The following ERF variants were observed in gnomAD, a reference collection of about 807,000 sequenced individuals.
ERF encodes ETS domain-containing transcription factor ERF.
A neutral mutation model predicts 41.6 loss-of-function variants in ERF; 10 were observed. The observed-to-expected ratio is 0.24, with a 90% CI of 0.15 to 0.41. The LOEUF (loss-of-function observed/expected upper bound fraction) is 0.41. Ranked by LOEUF, ERF falls within the 10% of genes least tolerant of loss-of-function variation. The probability of loss-of-function intolerance (pLI) is 1.00; values close to 1 mark genes in which losing one functional copy is unlikely to be tolerated. For missense variants in ERF, 621 were observed against 763.2 expected, an observed-to-expected ratio of 0.81 and a Z score of 2.19; for synonymous variants, 395 against 342.4, an observed-to-expected ratio of 1.15 and a Z score of -1.70.
In ERF at chr19:42,248,630, G is replaced by T. The variant is rs138540323; in HGVS notation, c.1482C>A (p.Leu494=). Residue 494 remains leucine (L), a synonymous_variant, in exon 4 of 4, where the codon CTC becomes CTA. Coordinates refer to ENST00000222329, the MANE Select transcript of ERF (RefSeq NM_006494.4). This position sits in a 1 kb window ranked among gnomAD's most constrained non-coding sequence, Gnocchi z 4.2. ...FKRRWSEDCR[L]EGGGGPAGGF... is the part of the protein sequence containing the mutation. ...CCCCAGCGGGGCCCCCACCCCCTTC[G>T]AGGCGACAGTCTTCACTCCAGCGCC... is the stretch of plus-strand genomic sequence containing the variant. 3.3e-5 allele frequency: 53 copies of T among 1,584,908 alleles called. No individual in the cohort carries two copies. Among genetic ancestry groups the T allele is most frequent in the Non-Finnish European group, 4.5e-5 (52 of 1,162,534 alleles).
At position 42,249,344 on chromosome 19, in the gene ERF, A is replaced by C; in HGVS notation, c.768T>G (p.Pro256=). 6.3e-7 allele frequency: 1 copy of C among 1,580,886 alleles called. No homozygotes were observed. The highest frequency in any genetic ancestry group is 1.1e-5 in the South Asian group (1 of 87,598). Residue 256 remains proline (P), a synonymous_variant, in exon 4 of 4, where the codon CCT becomes CCG. Transcript: ENST00000222329. This position sits in a 1 kb window ranked among gnomAD's most constrained non-coding sequence, Gnocchi z 8.6. The stretch of plus-strand genomic sequence containing the variant: ...AGAGCTGAGGGGGCAGCAGGGATCC[A>C]GGACCGGCCAGAGGCGACACAGGGA... ...SPFPVSPLAG[P]GSLLPPQLSP... is the part of the protein sequence containing the mutation.
chr19:42,252,730 G>A (rs188814027), intron 1 of ERF, among the ~76,000 whole-genome samples: 10 of 152,182 alleles, frequency 6.6e-5, no homozygotes, highest in East Asian at 1.9e-4. Context: ...CCGGCTTTGG[G>A]GGGGGGAGAA....
rs1296440566 is a variant in ERF at position 42,248,601 on chromosome 19, A to G, written c.1511T>C (p.Phe504Ser). 1.3e-6 allele frequency: 2 copies of G among 1,581,912 alleles called. No individual in the cohort carries two copies. The highest frequency in any genetic ancestry group is 2.3e-5 in the South Asian group (2 of 86,908). Residue 504 changes from phenylalanine to serine, a missense_variant, in exon 4 of 4, where the codon TTT becomes TCT. This residue lies in a region of ERF where 569 missense variants were observed against 625.5 expected (regional missense o/e 0.91). Coordinates refer to ENST00000222329, the MANE Select transcript of ERF (RefSeq NM_006494.4). The surrounding 1 kb of genome is among the most constrained non-coding windows in gnomAD (Gnocchi z 4.2). ...LEGGGGPAGGFEDEGEDKKVR... is the reference protein window; with the variant it reads ...LEGGGGPAGGSEDEGEDKKVR... ...CTTCTTGTCCTCACCCTCATCCTCA[A>G]AGCCCCCAGCGGGGCCCCCACCCCC...
At position 42,249,692 on chromosome 19, in the gene ERF, G is replaced by C; in HGVS notation, c.420C>G (p.Ser140Arg). 6.3e-7 allele frequency: 1 copy of C among 1,599,724 alleles called. No individual in the cohort carries two copies. Among genetic ancestry groups the C allele is most frequent in the African/African-American group, 1.3e-5 (1 of 74,838 alleles). The change falls in exon 4 of 4, where the codon AGC (serine) becomes AGG (arginine). Residue 140 changes from serine to arginine, a missense_variant. Around this residue, in one of 3 missense-constraint regions of ERF, gnomAD observed 569 missense variants for 625.5 expected, o/e 0.91. Transcript: ENST00000222329. The surrounding 1 kb of genome is among the most constrained non-coding windows in gnomAD (Gnocchi z 8.6). ...QSAPPVPSGG[S>R]HFRFPPSTPS... is the part of the protein sequence containing the mutation. ...GCGTTGAGGGAGGGAAGCGGAAGTG[G>C]CTACCACCCGACGGCACTGGCGGGG...
intron 1 of ERF, 119 bp downstream of exon 1, chr19:42,254,859 G>T: frequency 1.7e-6 from 2 of 1,182,476 alleles, no homozygotes; most frequent in African/African-American, 1.6e-5. Flanking sequence ...GTGCTTGAGG[G>T]GTCCCCCAGA....
At chr19:42,254,230 G>A (rs1049917255) in intron 1 of ERF, among the ~76,000 whole-genome samples, 1 of 151,510 alleles carries the variant, frequency 6.6e-6, no homozygotes, top group Admixed American at 6.6e-5. Context: ...GAGGGGGGGC[G>A]AGGGGGGAGC....
At position 42,249,224 on chromosome 19, in the gene ERF, G is replaced by A. The variant is rs2036394696; in HGVS notation, c.888C>T (p.Gly296=). Residue 296 remains glycine (G), a synonymous_variant, in exon 4 of 4, where the codon GGC becomes GGT. Transcript: ENST00000222329. The surrounding 1 kb of genome is among the most constrained non-coding windows in gnomAD (Gnocchi z 8.6). ...AGGAGAAGTGGGAGCCTCCCCCTGA[G>A]CCGCTGGGCCCCCCGCCACCACTGG... The part of the protein sequence containing the change: ...MYPSGGGGPS[G]SGGGSHFSFS... The A allele has an allele frequency of 1.9e-6, 3 of 1,613,358 alleles. No homozygotes were observed. The highest frequency in any genetic ancestry group is 2.5e-6 in the Non-Finnish European group (3 of 1,179,732).
chr19:42,249,882 G>C lies in ERF; in HGVS notation c.318C>G (p.Phe106Leu). 1 of 1,614,158 alleles carries C rather than the reference G, an allele frequency of 6.2e-7. No individual in the cohort carries two copies. The highest frequency in any genetic ancestry group is 8.5e-7 in the Non-Finnish European group (1 of 1,180,014). ...KTKGKRFTYK[F>L]NFNKLVLVNY... ...TGACCAGCACCAGTTTGTTGAAATT[G>C]AACTTGTAGGTGAACCGTTTCCCCT... The change falls in exon 3 of 4, where the codon TTC becomes TTG. Residue 106 changes from phenylalanine to leucine, a missense_variant. Phe to Leu is a conservative substitution (Grantham distance 22). Transcript: ENST00000222329. This position sits in a 1 kb window ranked among gnomAD's most constrained non-coding sequence, Gnocchi z 8.6.
chr19:42,253,998 T>TCC (rs1291710879), intron 1 of ERF: 3 of 940,474 alleles, frequency 3.2e-6, no homozygotes, highest in Non-Finnish European at 3.8e-6. Context: ...CTGGGACCCC[T>TCC]CCCCCTGCGC....
At position 42,248,561 on chromosome 19, in the gene ERF, C is replaced by T. The variant is rs1244740254; in HGVS notation, c.1551G>A (p.Gly517=). The change falls in exon 4 of 4, where the codon GGG becomes GGA. Residue 517 remains glycine, a synonymous_variant. Transcript: ENST00000222329. This position sits in a 1 kb window ranked among gnomAD's most constrained non-coding sequence, Gnocchi z 4.2. ...EGEDKKVRGE[G]PGEAGGPLTP... is the part of the protein sequence containing the mutation. The stretch of plus-strand genomic sequence containing the variant: ...TGAGGGGCCCCCCAGCCTCCCCAGG[C>T]CCCTCCCCACGCACCTTCTTGTCCT... 6.4e-7 allele frequency: 1 copy of T among 1,565,414 alleles called. No homozygotes were observed. Among genetic ancestry groups the T allele is most frequent in the Admixed American group, 1.9e-5 (1 of 52,646 alleles).
At position 42,247,685 on chromosome 19, in the gene ERF, G is replaced by T. The variant is rs2036350547; in HGVS notation, c.*780C>A. ...GACCACAGCCCCCCACCCCACCCCA[G>T]AGGCCCCAGCTGGGAGGCAGAGGGG... On this transcript the variant is annotated 3_prime_UTR_variant, in exon 4 of 4. Transcript: ENST00000222329. 1 of 140,058 alleles carries T rather than the reference G, an allele frequency of 7.1e-6. No individual in the cohort carries two copies. The allele number at this position is 140,058 out of a possible 1,614,324, so 8.7% of individuals were successfully genotyped here.
rs761263189 is a variant in ERF at position 42,249,459 on chromosome 19, C to T, written c.653G>A (p.Arg218Gln). The change falls in exon 4 of 4, where the codon CGA becomes CAA. Residue 218 changes from arginine to glutamine, a missense_variant. Physicochemically the swap from Arg to Gln is conservative, Grantham distance 43 (BLOSUM62 1). Coordinates refer to ENST00000222329, the MANE Select transcript of ERF (RefSeq NM_006494.4). The surrounding 1 kb of genome is among the most constrained non-coding windows in gnomAD (Gnocchi z 8.6). ...PPGPPDLGAF[R>Q]GPPLARLPHD... ...GGGCAGGCGGGCCAGCGGGGGCCCT[C>T]GGAAGGCACCCAGATCCGGAGGGCC... 4 of 1,599,522 alleles carry T rather than the reference C, an allele frequency of 2.5e-6. No homozygotes were observed. The highest frequency in any genetic ancestry group is 1.7e-5 in the Admixed American group (1 of 58,240).
chr19:42,250,475 C>T lies in ERF; in HGVS notation c.113G>A (p.Arg38Gln), dbSNP rs763456687. The part of the protein sequence containing the change: ...QLWHFILELL[R>Q]KEEYQGVIAW... ...AATGACGCCCTGGTACTCCTCCTTC[C>T]GCAGCAGCTCCAGGATAAAGTGCCA... Residue 38 changes from arginine to glutamine, a missense_variant, in exon 2 of 4, where the codon CGG becomes CAG. Transcript: ENST00000222329. This position sits in a 1 kb window ranked among gnomAD's most constrained non-coding sequence, Gnocchi z 5.1. The T allele has an allele frequency of 3.7e-6, 6 of 1,613,490 alleles. No individual in the cohort carries two copies. The highest frequency in any genetic ancestry group is 2.7e-5 in the African/African-American group (2 of 74,918).
rs2036426879 is a variant in ERF, at chr19:42,250,525, G to A, written c.63C>T (p.Ser21=). 1 of 1,613,468 alleles carries A rather than the reference G, an allele frequency of 6.2e-7. No homozygotes were observed. The highest frequency in any genetic ancestry group is 1.3e-5 in the African/African-American group (1 of 74,904). ...FPDWAYKPES[S]PGSRQIQLWH... Reference sequence around the variant, plus strand: ...ACAGCTGGATCTGCCTTGAGCCAGGGGACGACTCTGGCTTGTAGGCCCAAT... The same window carrying A: ...ACAGCTGGATCTGCCTTGAGCCAGGAGACGACTCTGGCTTGTAGGCCCAAT... Residue 21 remains serine, a synonymous_variant, in exon 2 of 4, where the codon TCC becomes TCT. Coordinates refer to ENST00000222329, the MANE Select transcript of ERF (RefSeq NM_006494.4). This position sits in a 1 kb window ranked among gnomAD's most constrained non-coding sequence, Gnocchi z 5.1.
chr19:42,248,916 G>A lies in ERF; in HGVS notation c.1196C>T (p.Ala399Val). 5 of 1,607,224 alleles carry A rather than the reference G, an allele frequency of 3.1e-6. No homozygotes were observed. The highest frequency in any genetic ancestry group is 4.2e-6 in the Non-Finnish European group (5 of 1,179,652). The change falls in exon 4 of 4, where the codon GCT becomes GTT. Residue 399 changes from alanine to valine, a missense_variant. Around this residue, in one of 3 missense-constraint regions of ERF, gnomAD observed 569 missense variants for 625.5 expected, o/e 0.91. Transcript: ENST00000222329. The surrounding 1 kb of genome is among the most constrained non-coding windows in gnomAD (Gnocchi z 4.2). ...RAAGEKAVAG[A>V]DKSGGSAGGL... is the part of the protein sequence containing the mutation. ...GCCTGCACTGCCACCGCTCTTGTCA[G>A]CACCGGCTACGGCCTTCTCCCCAGC...
In ERF at chr19:42,249,006, GAA is replaced by G. The variant is rs1568470970; in HGVS notation, c.1104_1105del (p.Ser369PhefsTer9). 1.2e-6 allele frequency: 2 copies of G among 1,610,104 alleles called. No individual in the cohort carries two copies. The highest frequency in any genetic ancestry group is 2.2e-5 in the East Asian group (1 of 44,852). On this transcript the variant is annotated frameshift_variant, in exon 4 of 4. Transcript: ENST00000222329. LOFTEE classifies it high-confidence loss of function. This position sits in a 1 kb window ranked among gnomAD's most constrained non-coding sequence, Gnocchi z 8.6. ...AAACTTGAATGGGGAGGAAGAAGAA[GAA>G]GAGGATGACGAGGCCGAGGAGGGGA...
chr19:42,248,299 A>AT lies in ERF; in HGVS notation c.*165dup. On this transcript the variant is annotated 3_prime_UTR_variant, in exon 4 of 4. Transcript: ENST00000222329. The surrounding 1 kb of genome is among the most constrained non-coding windows in gnomAD (Gnocchi z 4.2). ...CCCTGGGCACCCACCCACCCCCACCATTTTTAAAAAAAAGAAATTAAAGTT... is the reference window on the plus strand; with the variant it reads ...CCCTGGGCACCCACCCACCCCCACCATTTTTTAAAAAAAAGAAATTAAAGTT... The AT allele has an allele frequency of 2.7e-6, 1 of 365,562 alleles. No individual in the cohort carries two copies. Among genetic ancestry groups the AT allele is most frequent in the Non-Finnish European group, 4.1e-6 (1 of 245,600 alleles). The allele number at this position is 365,562 out of a possible 1,614,324, so 22.6% of individuals were successfully genotyped here.
rs146809107 is a variant in ERF at position 42,252,733 on chromosome 19, G to T, written c.23-2168C>A. On this transcript the variant is annotated intron_variant, in intron 1 of 3. Coordinates refer to ENST00000222329, the MANE Select transcript of ERF (RefSeq NM_006494.4). ...GAAGGCCTGTTCCCGGCTTTGGGGG[G>T]GGGAGAATGAAGAGGGGGTGACGTC... 2.8e-4 allele frequency among the ~76,000 whole-genome samples: 42 copies of T among 152,286 alleles called. No individual in the cohort carries two copies. In the East Asian group the frequency reaches 7.9e-3, roughly 29 times the overall value.
At chr19:42,254,780 G>C in intron 1 of ERF, 198 bp downstream of exon 1, 1 of 539,472 alleles carries the variant, frequency 1.9e-6, no homozygotes. Context: ...ACACCACTCC[G>C]CCCGGAGCCA....
Sources: gnomAD v4.1 joint callset for allele counts (sites outside exome capture counted in the v4.1 genomes callset) on GRCh38, gnomAD v4.1.1 for gene constraint, gnomAD v4.1.1 regional missense constraint, Gnocchi (gnomAD v3.1) non-coding constraint, MANE v1.5 for transcripts, NCBI Gene and HGNC (gene_info 2026-07-23, HGNC 2026-07-21) for gene names.